SH3RF3: variants seen among roughly 807,000 people sequenced by gnomAD.
SH3RF3 encodes SH3 domain containing ring finger 3.
SH3RF3 carries 29 observed loss-of-function variants against 66.3 expected under a neutral mutation model. That is an observed-to-expected ratio of 0.44 (90% confidence interval 0.33 to 0.60). The LOEUF (loss-of-function observed/expected upper bound fraction) is 0.60, where lower values mean the gene tolerates loss of function less well. SH3RF3 is among the 20% of genes least tolerant of loss of function. The probability of loss-of-function intolerance (pLI) is 0.04; values close to 1 mark genes in which losing one functional copy is unlikely to be tolerated. For missense variants in SH3RF3, 1,194 were observed against 1,190.9 expected (o/e 1.00, Z -0.04); for synonymous variants, 583 against 532.0 (o/e 1.10, Z -1.32).
chr2:109,251,906 C>T (rs1680100491), intron 1 of SH3RF3, among the ~76,000 whole-genome samples: 5 of 152,090 alleles, frequency 3.3e-5, no homozygotes, highest in Admixed American at 3.3e-4. Context: ...GAGTTCTCAA[C>T]CTTATGTTCT....
chr2:109,484,578 G>A (rs1678920721), intron 8 of SH3RF3, among the ~76,000 whole-genome samples: 1 of 152,052 alleles, frequency 6.6e-6, no homozygotes, highest in South Asian at 2.1e-4. Context: ...TGCCCTATCA[G>A]CTAATCAACA....
chr2:109,357,876 C>T (rs1682983016), intron 2 of SH3RF3, among the ~76,000 whole-genome samples: 1 of 152,220 alleles, frequency 6.6e-6, no homozygotes, highest in Admixed American at 6.5e-5. Context: ...ACATCACTCA[C>T]CAGAGTTAGT....
chr2:109,338,739 G>A (rs1337480211), intron 1 of SH3RF3, among the ~76,000 whole-genome samples: 2 of 152,082 alleles, frequency 1.3e-5, no homozygotes, highest in Non-Finnish European at 2.9e-5. Flanking sequence ...TGTATTTTTA[G>A]TAGAGATGGA....
intron 1 of SH3RF3, among the ~76,000 whole-genome samples, chr2:109,252,121 A>G (rs1184023399): frequency 6.6e-6 from 1 of 151,984 alleles, no homozygotes; most frequent in Non-Finnish European, 1.5e-5. Context: ...TCACAGGCCT[A>G]TAGTCTCAGC....
chr2:109,378,738 C>G (rs1683445887), intron 3 of SH3RF3, among the ~76,000 whole-genome samples: 1 of 152,218 alleles, frequency 6.6e-6, no homozygotes, highest in African/African-American at 2.4e-5. Flanking sequence ...ATAACCTTCT[C>G]TACTCCATGC....
At chr2:109,159,822 T>G (rs1574480053) in intron 1 of SH3RF3, among the ~76,000 whole-genome samples, 3 of 152,218 alleles carry the variant, frequency 2.0e-5, no homozygotes, top group Admixed American at 2.0e-4. Context: ...TATGAGAATC[T>G]AACGCCTCAT....
chr2:109,423,919 G>A (rs1468129750), intron 5 of SH3RF3, among the ~76,000 whole-genome samples: 1 of 152,246 alleles, frequency 6.6e-6, no homozygotes, highest in Non-Finnish European at 1.5e-5. Flanking sequence ...TGGAGGAGAT[G>A]CAAGTGGGAA....
At position 109,501,815 on chromosome 2, in the gene SH3RF3, G is replaced by T. The variant is rs546448301; in HGVS notation, c.*144G>T. ...GGGGGATACCCTGGCCCAGGGTGGG[G>T]GCCAGGGACTGTGGAGGTCGTGCCT... is the stretch of plus-strand genomic sequence containing the variant. On this transcript the variant is annotated 3_prime_UTR_variant, in exon 10 of 10. Transcript: ENST00000309415. 1.7e-6 allele frequency: 1 copy of T among 605,758 alleles called. No individual in the cohort carries two copies. The highest frequency in any genetic ancestry group is 1.8e-5 in the African/African-American group (1 of 54,156). The allele number at this position is 605,758 out of a possible 1,614,324, so 37.5% of individuals were successfully genotyped here. A position where few individuals can be genotyped will look rare whatever the true frequency, so the allele number is the denominator to read the frequency against.
chr2:109,423,971 C>G (rs12621304), intron 5 of SH3RF3, among the ~76,000 whole-genome samples: 82,149 of 152,012 alleles, frequency 0.54, 22,475 homozygotes, highest in African/African-American at 0.6. Flanking sequence ...ATGACATAGA[C>G]CCTGGCGGGC....
At chr2:109,189,429 C>T (rs1371367358) in intron 1 of SH3RF3, among the ~76,000 whole-genome samples, 4 of 150,548 alleles carry the variant, frequency 2.7e-5, no homozygotes, top group South Asian at 2.1e-4. Flanking sequence ...AGTGCAATAG[C>T]GCTATCTCGG....
chr2:109,332,552 C>T (rs79182282), intron 1 of SH3RF3, among the ~76,000 whole-genome samples: 18,998 of 152,196 alleles, frequency 0.12, 1,348 homozygotes, highest in East Asian at 0.25. Flanking sequence ...CCGAGCTCCC[C>T]GCAGTTCAGC....
intron 8 of SH3RF3, among the ~76,000 whole-genome samples, chr2:109,457,627 C>T (rs1678097199): frequency 1.3e-5 from 2 of 152,198 alleles, no homozygotes; most frequent in Admixed American, 6.5e-5. Flanking sequence ...ACTGCATGGC[C>T]GGGAGCCCCG....
chr2:109,345,534 A>G (rs1682670561), intron 1 of SH3RF3, among the ~76,000 whole-genome samples: 1 of 152,116 alleles, frequency 6.6e-6, no homozygotes, highest in African/African-American at 2.4e-5. Flanking sequence ...AAATGGAGTC[A>G]TTCCCTGACA....
intron 1 of SH3RF3, among the ~76,000 whole-genome samples, chr2:109,255,083 G>A (rs1280309455): frequency 2.0e-5 from 3 of 152,260 alleles, no homozygotes; most frequent in Admixed American, 6.5e-5. Flanking sequence ...ACACAAGGTG[G>A]TACCCGTGTC....
intron 4 of SH3RF3, among the ~76,000 whole-genome samples, chr2:109,418,675 T>C (rs1385168450): frequency 1.3e-5 from 2 of 152,108 alleles, no homozygotes; most frequent in East Asian, 3.9e-4. Context: ...AGACCCCTAT[T>C]CCAGATAAGA....
intron 8 of SH3RF3, among the ~76,000 whole-genome samples, chr2:109,477,624 G>A (rs1300783035): frequency 6.6e-6 from 1 of 151,986 alleles, no homozygotes; most frequent in Non-Finnish European, 1.5e-5. Flanking sequence ...GTGTGTGTGT[G>A]TGTGTGTGTG....
chr2:109,439,471 G>C (rs1677502396), intron 7 of SH3RF3, among the ~76,000 whole-genome samples: 1 of 152,186 alleles, frequency 6.6e-6, no homozygotes, highest in Admixed American at 6.5e-5. Context: ...ATTGTTCCCT[G>C]CAGTAATTGC....
At chr2:109,276,296 C>T (rs761865463) in intron 1 of SH3RF3, among the ~76,000 whole-genome samples, 61 of 152,148 alleles carry the variant, frequency 4.0e-4, no homozygotes, top group Non-Finnish European at 7.9e-4. Context: ...AAAAGGGTCA[C>T]GATTAGATGG....
At chr2:109,331,372 C>G (rs1352940668) in intron 1 of SH3RF3, among the ~76,000 whole-genome samples, 2 of 152,138 alleles carry the variant, frequency 1.3e-5, no homozygotes, top group African/African-American at 4.8e-5. Context: ...CTCCCCTTCT[C>G]TCTCTCCCCT....
Sources: allele counts gnomAD v4.1 joint callset (sites outside exome capture counted in the v4.1 genomes callset), GRCh38; gene constraint gnomAD v4.1.1; transcripts MANE v1.5; gene names NCBI Gene and HGNC (gene_info 2026-07-23, HGNC 2026-07-21).